The following CEMIP2 variants were observed in gnomAD, a reference collection of about 807,000 sequenced individuals.
CEMIP2 encodes the protein cell surface hyaluronidase CEMIP2.
In CEMIP2, 79 loss-of-function variants were observed where a neutral mutation model predicts 146.9. The ratio of observed to expected loss-of-function variants is 0.54; its 90% CI spans 0.45 to 0.65. The LOEUF (loss-of-function observed/expected upper bound fraction) is 0.65, where lower values mean the gene tolerates loss of function less well. CEMIP2 is among the 30% of genes least tolerant of loss of function. The probability of loss-of-function intolerance (pLI) is 0.00; values close to 1 mark genes in which losing one functional copy is unlikely to be tolerated. For synonymous variants in CEMIP2, 601 were observed against 606.3 expected (o/e 0.99, Z 0.13); for missense variants, 1,596 against 1,696.2 (o/e 0.94, Z 1.04).
At chr9:71,720,301 G>GT (rs1452030601) in intron 12 of CEMIP2, among the ~76,000 whole-genome samples, 2 of 151,974 alleles carry the variant, frequency 1.3e-5, no homozygotes, top group South Asian at 2.1e-4. Context: ...TTTTTTGTTT[G>GT]TTTTTTTGAG....
chr9:71,684,960 T>C lies in CEMIP2; in HGVS notation c.*237A>G, dbSNP rs942179110. The C allele has an allele frequency of 3.7e-4, 165 of 441,550 alleles. No homozygotes were observed. The highest frequency in any genetic ancestry group is 2.3e-3 in the African/African-American group (112 of 49,728). 27.4% of individuals were successfully genotyped at this position (441,550 alleles called of 1,614,324 possible). A position where few individuals can be genotyped will look rare whatever the true frequency, so the allele number is the denominator to read the frequency against. On this transcript the variant is annotated 3_prime_UTR_variant, in exon 24 of 24. Coordinates refer to ENST00000377044, the MANE Select transcript of CEMIP2 (RefSeq NM_013390.3). Reference sequence around the variant, plus strand: ...GGGGTGGAAAGTGAGGAATAAGAGATCTGCTCTCTGAATACACCAGCCTTA... The same window carrying C: ...GGGGTGGAAAGTGAGGAATAAGAGACCTGCTCTCTGAATACACCAGCCTTA...
At chr9:71,751,829 T>C (rs1217049310) in intron 1 of CEMIP2, among the ~76,000 whole-genome samples, 3 of 152,234 alleles carry the variant, frequency 2.0e-5, no homozygotes, top group Non-Finnish European at 2.9e-5. Flanking sequence ...ACTAGACTTA[T>C]CTAGTGATTA....
chr9:71,760,684 C>CG, intron 1 of CEMIP2, among the ~76,000 whole-genome samples: 1 of 151,276 alleles, frequency 6.6e-6, no homozygotes, highest in Non-Finnish European at 1.5e-5. Flanking sequence ...ACAGACCAAG[C>CG]GGGGAGGAAG....
intron 18 of CEMIP2, among the ~76,000 whole-genome samples, chr9:71,703,107 G>A (rs1008462419): frequency 6.6e-6 from 1 of 152,208 alleles, no homozygotes; most frequent in African/African-American, 2.4e-5. Flanking sequence ...CTAAGGATTG[G>A]AGGTGGGGAG....
At chr9:71,700,332 T>C (rs548397253) in intron 19 of CEMIP2, among the ~76,000 whole-genome samples, 2 of 152,328 alleles carry the variant, frequency 1.3e-5, no homozygotes, top group Admixed American at 6.5e-5. Flanking sequence ...TAAATAATCA[T>C]ATGAAGAACA....
intron 1 of CEMIP2, among the ~76,000 whole-genome samples, chr9:71,754,857 C>T (rs1321666096): frequency 6.6e-6 from 1 of 151,598 alleles, no homozygotes; most frequent in Non-Finnish European, 1.5e-5. Context: ...AGAAGTGACT[C>T]AGACTACGAA....
intron 16 of CEMIP2, among the ~76,000 whole-genome samples, chr9:71,710,742 C>T (rs761093839): frequency 1.3e-5 from 2 of 152,120 alleles, no homozygotes; most frequent in Non-Finnish European, 2.9e-5. Context: ...AGCAAGTCTC[C>T]GTACTGGACA....
At chr9:71,688,165 G>A (rs1447212969) in intron 22 of CEMIP2, among the ~76,000 whole-genome samples, 3 of 152,006 alleles carry the variant, frequency 2.0e-5, no homozygotes, top group Non-Finnish European at 2.9e-5. Flanking sequence ...ACTCTTGGCC[G>A]GTATTACTGA....
chr9:71,697,396 C>T (rs767185610), intron 20 of CEMIP2, among the ~76,000 whole-genome samples: 6 of 152,128 alleles, frequency 3.9e-5, no homozygotes, highest in East Asian at 1.9e-4. Flanking sequence ...ATCCAGTAGG[C>T]GGCCATCTAA....
intron 21 of CEMIP2, among the ~76,000 whole-genome samples, chr9:71,693,059 C>T (rs1822280511): frequency 6.6e-6 from 1 of 152,182 alleles, no homozygotes; most frequent in South Asian, 2.1e-4. Flanking sequence ...GAATGGACTT[C>T]ATGCCACTGA....
chr9:71,712,612 C>A lies in CEMIP2; in HGVS notation c.2592-352G>T, dbSNP rs1056757369. ...TCAGTTAAGATCTTTTATTCGGAAC[C>A]TCAGGTACTTTGGTCTTCGTTTCCA... On this transcript the variant is annotated intron_variant, in intron 15 of 23. Coordinates refer to ENST00000377044, the MANE Select transcript of CEMIP2 (RefSeq NM_013390.3). Among the ~76,000 whole-genome samples the A allele has an allele frequency of 2.6e-5, 4 of 152,158 alleles. No homozygotes were observed. The East Asian group carries it at 7.7e-4, about 29-fold the overall frequency.
rs757333064 is a variant in CEMIP2 at position 71,704,574 on chromosome 9, A to G, written c.3194+21T>C. 20 of 1,612,454 alleles carry G rather than the reference A, an allele frequency of 1.2e-5. 1 individual carries two copies. The South Asian group carries it at 1.8e-4, about 14-fold the overall frequency. On this transcript the variant is annotated intron_variant, in intron 18 of 23. Transcript: ENST00000377044. ...ATTACTACTTGCTCAACTATTTGAA[A>G]TAACAGTAACAGAAACATACTTGTT...
chr9:71,720,034 C>T (rs1823187937), intron 12 of CEMIP2, among the ~76,000 whole-genome samples: 2 of 152,104 alleles, frequency 1.3e-5, no homozygotes, highest in Admixed American at 1.3e-4. Flanking sequence ...CATCTTCTTT[C>T]CCACTTGGCA....
At chr9:71,717,032 C>T (rs948822471) in intron 13 of CEMIP2, among the ~76,000 whole-genome samples, 1 of 152,128 alleles carries the variant, frequency 6.6e-6, no homozygotes, top group Non-Finnish European at 1.5e-5. Context: ...GTTAGCAGGG[C>T]GTTGTGGCAC....
At chr9:71,713,992 C>T (rs897819627) in intron 15 of CEMIP2, among the ~76,000 whole-genome samples, 1 of 151,818 alleles carries the variant, frequency 6.6e-6, no homozygotes, top group African/African-American at 2.4e-5. Context: ...TAGCAGTGCT[C>T]GATATTCCAC....
chr9:71,745,711 G>A, intron 3 of CEMIP2, 132 bp from the exon 4 acceptor site: 2 of 896,112 alleles, frequency 2.2e-6, no homozygotes, highest in Admixed American at 3.0e-5. Flanking sequence ...AATCTGCTTA[G>A]AAAACTAAAG....
chr9:71,718,106 AAATAT>A, intron 12 of CEMIP2, 27 bp from the exon 13 acceptor site: 1 of 1,587,152 alleles, frequency 6.3e-7, no homozygotes, highest in African/African-American at 1.4e-5. Context: ...GAATTTTAAA[AAATAT>A]AACATAAAAG....
At position 71,745,335 on chromosome 9, in the gene CEMIP2, C is replaced by T. The variant is rs1824054789; in HGVS notation, c.717G>A (p.Ser239=). The change falls in exon 4 of 24, where the codon TCG becomes TCA. Residue 239 remains serine, a synonymous_variant. Transcript: ENST00000377044. ...TCAGGGTCCTTGCCAACAACGTCCA[C>T]GATGCCTTCCGTGCCCCATGTAACT... ...TLELHGARKA[S]WTLLARTLNS... 2 of 1,613,500 alleles carry T rather than the reference C, an allele frequency of 1.2e-6. No homozygotes were observed. The highest frequency in any genetic ancestry group is 1.3e-5 in the African/African-American group (1 of 75,042).
At chr9:71,689,287 A>G (rs1475952892) in intron 22 of CEMIP2, among the ~76,000 whole-genome samples, 1 of 152,232 alleles carries the variant, frequency 6.6e-6, no homozygotes, top group Non-Finnish European at 1.5e-5. Context: ...CTATTGGAAA[A>G]TGATTCTAAA....
Sources: gnomAD v4.1 joint callset for allele counts (sites outside exome capture counted in the v4.1 genomes callset) on GRCh38, gnomAD v4.1.1 for gene constraint, MANE v1.5 for transcripts, NCBI Gene and HGNC (gene_info 2026-07-23, HGNC 2026-07-21) for gene names.